Variants in COA4 observed in about 807,000 individuals in gnomAD.
The protein encoded by COA4 is cytochrome c oxidase assembly factor 4 homolog, also known as cytochrome c oxidase assembly factor 4 homolog, mitochondrial.
A neutral mutation model predicts 7.3 loss-of-function variants in COA4; 8 were observed. That is an observed-to-expected ratio of 1.10 (90% confidence interval 0.64 to 1.98). COA4 has a LOEUF of 1.98. Among genes scored for constraint, COA4 ranks in the 30% most tolerant of loss-of-function variants. COA4 has a pLI of 0.00. For missense variants in COA4, 96 were observed against 111.2 expected, an observed-to-expected ratio of 0.86 and a Z score of 0.62; for synonymous variants, 42 against 44.3, an observed-to-expected ratio of 0.95 and a Z score of 0.21.
At chr11:73,876,435 T>G (rs1183372838) in intron 1 of COA4, 1 of 152,250 alleles carries the variant, frequency 6.6e-6, no homozygotes, top group Non-Finnish European at 1.5e-5. Context: ...GCGCTTGGGC[T>G]ACTATAGGAC....
In COA4 at chr11:73,873,184, C is replaced by T; in HGVS notation, c.195G>A (p.Met65Ile). The T allele has an allele frequency of 6.2e-7, 1 of 1,614,240 alleles. No individual in the cohort carries two copies. Among genetic ancestry groups the T allele is most frequent in the Non-Finnish European group, 8.5e-7 (1 of 1,180,046 alleles). ...QPQVQAFKDCMSEQQARRQEE... is the reference protein window; with the variant it reads ...QPQVQAFKDCISEQQARRQEE... ...CTTGCCGCCTCGCCTGCTGTTCACTCATGCAATCCTTGAACGCCTGCACCT... is the reference window on the plus strand; with the variant it reads ...CTTGCCGCCTCGCCTGCTGTTCACTTATGCAATCCTTGAACGCCTGCACCT... The change falls in exon 2 of 2, where the codon ATG becomes ATA. Residue 65 changes from methionine (M) to isoleucine (I), a missense_variant. Coordinates refer to ENST00000355693, the MANE Select transcript of COA4 (RefSeq NM_016565.3).
chr11:73,873,503 C>T (rs536426063), intron 1 of COA4, 109 bp from the exon 2 acceptor site: 26 of 917,832 alleles, frequency 2.8e-5, no homozygotes, highest in African/African-American at 1.0e-4. Context: ...GTCTGTCTCC[C>T]GTGGGAGACT....
chr11:73,873,102 G>T lies in COA4; in HGVS notation c.*13C>A, dbSNP rs774510155. 4.2e-5 allele frequency: 66 copies of T among 1,588,972 alleles called. No homozygotes were observed. The East Asian group carries it at 9.2e-4, about 22-fold the overall frequency. ...TGGCAGGGCCATCTACTGGGGATAG[G>T]TGGTTTGGGGTCTCAGTGGTGGGCA... On this transcript the variant is annotated 3_prime_UTR_variant, in exon 2 of 2. Transcript: ENST00000355693.
chr11:73,873,582 C>A (rs1045168519), intron 1 of COA4, 188 bp from the exon 2 acceptor site: 6 of 588,990 alleles, frequency 1.0e-5, no homozygotes, highest in Non-Finnish European at 1.5e-5. Context: ...GTTGCCCAGG[C>A]TCACTGTAGC....
chr11:73,873,339 G>A lies in COA4; in HGVS notation c.40C>T (p.Arg14Trp), dbSNP rs777979308. 8.7e-6 allele frequency: 14 copies of A among 1,614,048 alleles called. No individual in the cohort carries two copies. The highest frequency in any genetic ancestry group is 6.7e-5 in the East Asian group (3 of 44,896). The change falls in exon 2 of 2, where the codon CGG becomes TGG. Residue 14 changes from arginine (R) to tryptophan (W), a missense_variant. Coordinates refer to ENST00000355693, the MANE Select transcript of COA4 (RefSeq NM_016565.3). The stretch of plus-strand genomic sequence containing the variant: ...TCCTCCTCATCGTCTTTCTTCACCC[G>A]TTGGGTCCAGGTATGGCCTTGAGGG... ...SVPQGHTWTQ[R>W]VKKDDEEEDP... is the part of the protein sequence containing the mutation.
At chr11:73,874,437 A>G (rs1040543874) in intron 1 of COA4, 1 of 151,934 alleles carries the variant, frequency 6.6e-6, no homozygotes, top group African/African-American at 2.4e-5. Flanking sequence ...AATAAGAGCA[A>G]AACTCCATCT....
At chr11:73,875,460 T>C (rs567213112) in intron 1 of COA4, among the ~76,000 whole-genome samples, 1 of 152,292 alleles carries the variant, frequency 6.6e-6, no homozygotes, top group Admixed American at 6.5e-5. Context: ...GGCAGTTTAC[T>C]ACACAGTGTA....
intron 1 of COA4, among the ~76,000 whole-genome samples, chr11:73,875,218 G>T (rs1276390853): frequency 6.6e-6 from 1 of 152,194 alleles, no homozygotes; most frequent in East Asian, 1.9e-4. Context: ...GCAGCATACA[G>T]AAGGAACTTA....
In COA4 at chr11:73,872,852, G is replaced by C. The variant is rs1303665776; in HGVS notation, c.*263C>G. On this transcript the variant is annotated 3_prime_UTR_variant, in exon 2 of 2. Transcript: ENST00000355693. ...GGCACACTGACTTAAGATGTGGGGT[G>C]GGGGAGCATCCCTTAACACATTCTT... 10 of 456,658 alleles carry C rather than the reference G, an allele frequency of 2.2e-5. No individual in the cohort carries two copies. In the South Asian group the frequency reaches 2.2e-4, roughly 10 times the overall value. The allele number at this position is 456,658 out of a possible 1,614,324, so 28.3% of individuals were successfully genotyped here.
chr11:73,876,142 GA>G (rs1034626841), intron 1 of COA4: 17,900 of 131,196 alleles, frequency 0.14, 1,144 homozygotes, highest in Admixed American at 0.17. Flanking sequence ...AAAAAAAAAA[GA>G]AAAAAAAAAA....
chr11:73,875,477 G>A (rs1165878030), intron 1 of COA4, among the ~76,000 whole-genome samples: 1 of 152,166 alleles, frequency 6.6e-6, no homozygotes, highest in African/African-American at 2.4e-5. Flanking sequence ...TGTACAGATA[G>A]CAAAGACTGG....
intron 1 of COA4, among the ~76,000 whole-genome samples, chr11:73,875,186 G>C (rs748901071): frequency 6.6e-6 from 1 of 152,184 alleles, no homozygotes; most frequent in Non-Finnish European, 1.5e-5. Context: ...TTGCCCGTCT[G>C]CATCAGAACA....
rs80141653 is a variant in COA4 at position 73,873,141 on chromosome 11, G to A, written c.238C>T (p.Gln80Ter). 1 of 1,611,026 alleles carries A rather than the reference G, an allele frequency of 6.2e-7. No homozygotes were observed. Among genetic ancestry groups the A allele is most frequent in the South Asian group, 1.1e-5 (1 of 90,836 alleles). ...CAGTGGTGGGCACCGGCTTGTTCTT[G>A]CCTCCTCTGCAGCTCCTCTTGCCGC... ...ARRQEELQRR[Q>*]EQAGAHH The change falls in exon 2 of 2, where the codon CAA becomes TAA. Residue 80 changes from glutamine to a stop codon, truncating the protein, a stop_gained. Transcript: ENST00000355693. LOFTEE classifies it high-confidence loss of function.
At chr11:73,873,500 T>G in intron 1 of COA4, 106 bp from the exon 2 acceptor site, 2 of 943,102 alleles carry the variant, frequency 2.1e-6, no homozygotes, top group Non-Finnish European at 3.2e-6. Context: ...TGTGTCTGTC[T>G]CCCGTGGGAG....
intron 1 of COA4, 101 bp downstream of exon 1, chr11:73,876,656 G>C: frequency 5.3e-6 from 1 of 189,414 alleles, no homozygotes; most frequent in Non-Finnish European, 1.1e-5. Context: ...CAGGCGTATC[G>C]AGGACTTTGA....
chr11:73,875,448 A>G (rs550164042), intron 1 of COA4, among the ~76,000 whole-genome samples: 1 of 152,330 alleles, frequency 6.6e-6, no homozygotes, highest in South Asian at 2.1e-4. Flanking sequence ...ACAAGGAAAC[A>G]GGGCAGTTTA....
Position 73,873,125 on chromosome 11 carries a change from G to A in COA4, c.254C>T (p.Ala85Val). The A allele has an allele frequency of 6.2e-7, 1 of 1,604,496 alleles. No individual in the cohort carries two copies. Among genetic ancestry groups the A allele is most frequent in the Non-Finnish European group, 8.5e-7 (1 of 1,173,524 alleles). Reference protein sequence around the residue: ...ELQRRQEQAGAHH With the variant: ...ELQRRQEQAGVHH ...AGGTGGTTTGGGGTCTCAGTGGTGG[G>A]CACCGGCTTGTTCTTGCCTCCTCTG... The change falls in exon 2 of 2, where the codon GCC becomes GTC. Residue 85 changes from alanine (A) to valine (V), a missense_variant. Ala to Val is a moderately conservative substitution (Grantham distance 64). Coordinates refer to ENST00000355693, the MANE Select transcript of COA4 (RefSeq NM_016565.3).
intron 1 of COA4, chr11:73,873,815 C>A (rs542474305): frequency 5.6e-6 from 1 of 179,260 alleles, no homozygotes; most frequent in Non-Finnish European, 1.2e-5. Context: ...CAACTGTGCC[C>A]GGCTGATGTT....
intron 1 of COA4, among the ~76,000 whole-genome samples, chr11:73,874,040 T>A (rs1347966481): frequency 6.6e-6 from 1 of 152,106 alleles, no homozygotes; most frequent in Non-Finnish European, 1.5e-5. Flanking sequence ...TTCAGCTAGG[T>A]ACGATGGCTC....
Sources: allele counts gnomAD v4.1 joint callset (sites outside exome capture counted in the v4.1 genomes callset), GRCh38; gene constraint gnomAD v4.1.1; transcripts MANE v1.5; gene names NCBI Gene and HGNC (gene_info 2026-07-23, HGNC 2026-07-21).